The following REV1 variants were observed in gnomAD, a reference collection of about 807,000 sequenced individuals.
The protein encoded by REV1 is REV1 DNA directed polymerase.
Under a neutral mutation model 137.4 loss-of-function variants are expected in REV1, and 42 were observed. The observed-to-expected ratio is 0.31, with a 90% CI of 0.24 to 0.40. The LOEUF is 0.40. Among genes scored for constraint, REV1 ranks in the 10% least tolerant of loss-of-function variants. The pLI is 1.00. For missense variants in REV1, 1,282 were observed against 1,490.1 expected, an observed-to-expected ratio of 0.86 and a Z score of 2.30; for synonymous variants, 524 against 519.2, an observed-to-expected ratio of 1.01 and a Z score of -0.12.
chr2:99,448,984 C>A (rs933147064), intron 4 of REV1, among the ~76,000 whole-genome samples: 1 of 152,140 alleles, frequency 6.6e-6, no homozygotes, highest in Non-Finnish European at 1.5e-5. Context: ...ATATTAGTTA[C>A]AATTTTATAA....
Position 99,405,971 on chromosome 2 carries a change from T to A in REV1, c.2750A>T (p.His917Leu). ...AESSGKWNGLHTPVSVQSRLN... is the reference protein window; with the variant it reads ...AESSGKWNGLLTPVSVQSRLN... ...TCTCGACTGCACACTGACAGGAGTA[T>A]GTAGACCATTCCATTTCCCTGAAGA... The change falls in exon 17 of 23, where the codon CAT becomes CTT. Residue 917 changes from histidine to leucine, a missense_variant. This residue lies in a region of REV1 where 135 missense variants were observed against 123.3 expected (regional missense o/e 1.10). Transcript: ENST00000258428. The A allele has an allele frequency of 6.2e-7, 1 of 1,614,038 alleles. No homozygotes were observed. The highest frequency in any genetic ancestry group is 8.5e-7 in the Non-Finnish European group (1 of 1,179,944).
Position 99,404,817 on chromosome 2 carries a change from C to T in REV1, c.2812-140G>A. ...GGTACAGACCATCAAGCTAGGAAAGCCACCTCCAAATCAGCACATTTTTGG... is the reference window on the plus strand; with the variant it reads ...GGTACAGACCATCAAGCTAGGAAAGTCACCTCCAAATCAGCACATTTTTGG... On this transcript the variant is annotated intron_variant, in intron 17 of 22. Transcript: ENST00000258428. 11 of 680,322 alleles carry T rather than the reference C, an allele frequency of 1.6e-5. No individual in the cohort carries two copies. In the South Asian group the frequency reaches 1.9e-4, roughly 12 times the overall value. The allele number at this position is 680,322 out of a possible 1,614,324, so 42.1% of individuals were successfully genotyped here. A position where few individuals can be genotyped will look rare whatever the true frequency, so the allele number is the denominator to read the frequency against.
chr2:99,421,472 TGAGTACAAGATAA>T lies in REV1; in HGVS notation c.1831+14_1831+26del. On this transcript the variant is annotated intron_variant, in intron 11 of 22. Coordinates refer to ENST00000258428, the MANE Select transcript of REV1 (RefSeq NM_016316.4). ...TTCAAGAATCTCAAAGCAACTCTTT[TGAGTACAAGATAA>T]GCTAGATACTAACCAATTCCAACAG... The T allele has an allele frequency of 6.3e-7, 1 of 1,583,220 alleles. No individual in the cohort carries two copies. Among genetic ancestry groups the T allele is most frequent in the Non-Finnish European group, 8.6e-7 (1 of 1,165,326 alleles).
At chr2:99,461,195 A>G (rs1684150694) in intron 3 of REV1, among the ~76,000 whole-genome samples, 1 of 152,222 alleles carries the variant, frequency 6.6e-6, no homozygotes, top group South Asian at 2.1e-4. Flanking sequence ...TTCATCATCA[A>G]TGATGCCTAA....
At chr2:99,431,044 C>G (rs1680058320) in intron 8 of REV1, among the ~76,000 whole-genome samples, 1 of 152,196 alleles carries the variant, frequency 6.6e-6, no homozygotes, top group African/African-American at 2.4e-5. Flanking sequence ...TTCAGACTCA[C>G]TGTTCTGTGA....
chr2:99,457,406 G>A (rs1683643778), intron 3 of REV1, among the ~76,000 whole-genome samples: 1 of 152,130 alleles, frequency 6.6e-6, no homozygotes, highest in Admixed American at 6.6e-5. Context: ...TATAGGTCAG[G>A]TGCACTGGCT....
intron 3 of REV1, among the ~76,000 whole-genome samples, chr2:99,458,301 C>G (rs1018158151): frequency 6.6e-6 from 1 of 152,058 alleles, no homozygotes; most frequent in African/African-American, 2.4e-5. Flanking sequence ...AAATGTTTCA[C>G]CAATGATGAT....
intron 13 of REV1, 141 bp downstream of exon 13, chr2:99,412,590 A>T: frequency 1.5e-6 from 1 of 659,176 alleles, no homozygotes; most frequent in Non-Finnish European, 2.7e-6. Context: ...GTGCCTTAAA[A>T]GGCCTTCTTA....
At chr2:99,467,679 A>G (rs1559399619) in intron 1 of REV1, among the ~76,000 whole-genome samples, 1 of 152,238 alleles carries the variant, frequency 6.6e-6, no homozygotes. Context: ...CCTATGAGTA[A>G]CAAGAAATTG....
intron 15 of REV1, among the ~76,000 whole-genome samples, chr2:99,407,256 A>C (rs1446040029): frequency 6.6e-6 from 1 of 151,180 alleles, no homozygotes; most frequent in Non-Finnish European, 1.5e-5. Context: ...CACCCGGCTA[A>C]TTTTTGTATT....
At chr2:99,465,976 C>G (rs1296019513) in intron 1 of REV1, among the ~76,000 whole-genome samples, 1 of 152,198 alleles carries the variant, frequency 6.6e-6, no homozygotes. Flanking sequence ...GAGTCTCGCT[C>G]TGTTGCCCAG....
intron 4 of REV1, among the ~76,000 whole-genome samples, chr2:99,443,125 A>AT (rs1343336093): frequency 1.3e-5 from 2 of 152,196 alleles, no homozygotes; most frequent in Admixed American, 6.5e-5. Context: ...TAAAACTGAC[A>AT]TTTTCTTGCT....
chr2:99,421,930 C>A (rs1284217276), intron 10 of REV1, among the ~76,000 whole-genome samples: 2 of 152,030 alleles, frequency 1.3e-5, no homozygotes, highest in African/African-American at 2.4e-5. Flanking sequence ...CACAAAAAAA[C>A]AAAAACACAG....
chr2:99,404,983 T>C (rs1676075296), intron 17 of REV1, among the ~76,000 whole-genome samples: 1 of 152,130 alleles, frequency 6.6e-6, no homozygotes, highest in Non-Finnish European at 1.5e-5. Flanking sequence ...GGCCAACAGA[T>C]ATGAATAGCC....
intron 12 of REV1, 104 bp downstream of exon 12, chr2:99,418,724 A>C (rs1678229348): frequency 9.3e-7 from 1 of 1,073,102 alleles, no homozygotes; most frequent in Admixed American, 2.8e-5. Flanking sequence ...AAAAATTTTT[A>C]TATTCATGTC....
chr2:99,471,948 G>A (rs1685470536), intron 1 of REV1, among the ~76,000 whole-genome samples: 3 of 144,286 alleles, frequency 2.1e-5, no homozygotes, highest in South Asian at 2.2e-4. Flanking sequence ...TTGGGCCCCC[G>A]AGCCCTGTTG....
chr2:99,415,633 C>A (rs1441354267), intron 12 of REV1, among the ~76,000 whole-genome samples: 1 of 152,242 alleles, frequency 6.6e-6, no homozygotes, highest in African/African-American at 2.4e-5. Context: ...CAGTGAGGAA[C>A]TGAACTGGTA....
chr2:99,452,585 C>G (rs991337218), intron 3 of REV1, among the ~76,000 whole-genome samples: 1 of 122,200 alleles, frequency 8.2e-6, no homozygotes, highest in East Asian at 2.2e-4. Context: ...CTGAAATTAC[C>G]ATGTCTGTTT....
chr2:99,404,354 G>C (rs1369206994), intron 18 of REV1, 90 bp downstream of exon 18: 9 of 922,390 alleles, frequency 9.8e-6, no homozygotes, highest in Non-Finnish European at 1.0e-5. Context: ...GTCAGATACA[G>C]AGGAGAAAGG....
Sources: allele counts gnomAD v4.1 joint callset (sites outside exome capture counted in the v4.1 genomes callset), GRCh38; gene constraint gnomAD v4.1.1; regional missense constraint gnomAD v4.1.1; transcripts MANE v1.5; gene names NCBI Gene and HGNC (gene_info 2026-07-23, HGNC 2026-07-21).